Variants in NPAS3 observed in about 807,000 individuals in gnomAD.
The protein encoded by NPAS3 is neuronal PAS domain-containing protein 3.
Under a neutral mutation model 73.1 loss-of-function variants are expected in NPAS3, and 14 were observed. The ratio of observed to expected loss-of-function variants is 0.19; its 90% CI spans 0.13 to 0.30. The LOEUF (loss-of-function observed/expected upper bound fraction) is 0.30, where lower values mean the gene tolerates loss of function less well. Ranked by LOEUF, NPAS3 falls within the 10% of genes least tolerant of loss-of-function variation. NPAS3 has a pLI of 1.00. For missense variants in NPAS3, 1,096 were observed against 1,250.0 expected, an observed-to-expected ratio of 0.88 and a Z score of 1.86; for synonymous variants, 620 against 541.5, an observed-to-expected ratio of 1.14 and a Z score of -2.01.
chr14:33,530,036 A>G (rs911058920), intron 4 of NPAS3, among the ~76,000 whole-genome samples: 17 of 152,158 alleles, frequency 1.1e-4, no homozygotes. Flanking sequence ...AAATCCAGAC[A>G]TGCTGTCCAA....
intron 3 of NPAS3, among the ~76,000 whole-genome samples, chr14:33,339,566 T>A (rs1446662469): frequency 6.6e-6 from 1 of 152,186 alleles, no homozygotes; most frequent in Non-Finnish European, 1.5e-5. Context: ...GTCTGACTAG[T>A]TTATAGTGGT....
intron 6 of NPAS3, among the ~76,000 whole-genome samples, chr14:33,715,833 G>A (rs764126950): frequency 7.2e-5 from 11 of 152,100 alleles, no homozygotes; most frequent in Non-Finnish European, 1.2e-4. Flanking sequence ...TTTTTCCTGC[G>A]CTGTTTTCTC....
At chr14:33,188,564 C>T (rs2046061732) in intron 2 of NPAS3, among the ~76,000 whole-genome samples, 1 of 152,164 alleles carries the variant, frequency 6.6e-6, no homozygotes, top group South Asian at 2.1e-4. Flanking sequence ...ACTTCCTACA[C>T]ATGTGGCATT....
intron 7 of NPAS3, among the ~76,000 whole-genome samples, chr14:33,741,496 T>A (rs1014500065): frequency 6.6e-6 from 1 of 152,182 alleles, no homozygotes; most frequent in Admixed American, 6.5e-5. Flanking sequence ...TAAAATCAAA[T>A]TTTTTAAATC....
chr14:33,169,991 G>T (rs961756631), intron 2 of NPAS3, among the ~76,000 whole-genome samples: 1 of 152,146 alleles, frequency 6.6e-6, no homozygotes, highest in South Asian at 2.1e-4. Flanking sequence ...GTGGTTTGGG[G>T]ATTTTGACAT....
At chr14:33,493,041 G>A (rs776946601) in intron 4 of NPAS3, among the ~76,000 whole-genome samples, 1 of 152,086 alleles carries the variant, frequency 6.6e-6, no homozygotes, top group Non-Finnish European at 1.5e-5. Context: ...ACCTGATGAG[G>A]GGAGTTTTAC....
chr14:33,388,036 T>G (rs998111621), intron 4 of NPAS3, among the ~76,000 whole-genome samples: 1 of 152,000 alleles, frequency 6.6e-6, no homozygotes, highest in Non-Finnish European at 1.5e-5. Flanking sequence ...GCCATAGGGG[T>G]GTGACCTTGA....
intron 1 of NPAS3, among the ~76,000 whole-genome samples, chr14:32,999,682 T>G (rs1595189673): frequency 6.6e-6 from 1 of 152,214 alleles, no homozygotes; most frequent in Admixed American, 6.5e-5. Context: ...ATAAGCTTCT[T>G]ACCTTTAGTA....
intron 2 of NPAS3, among the ~76,000 whole-genome samples, chr14:33,188,689 A>G (rs1343986132): frequency 6.6e-6 from 1 of 152,210 alleles, no homozygotes; most frequent in African/African-American, 2.4e-5. Flanking sequence ...TAGTATTGTT[A>G]CAGGAGAAGA....
intron 1 of NPAS3, among the ~76,000 whole-genome samples, chr14:33,006,742 T>G (rs185983784): frequency 2.3e-4 from 35 of 152,332 alleles, no homozygotes; most frequent in Non-Finnish European, 1.5e-5. Flanking sequence ...GGGACCCTCT[T>G]TATACCTTCC....
chr14:33,706,168 A>G (rs2060650994), intron 6 of NPAS3, among the ~76,000 whole-genome samples: 1 of 152,168 alleles, frequency 6.6e-6, no homozygotes. Flanking sequence ...AGCCTCCTAC[A>G]TTTCTTTATC....
intron 4 of NPAS3, among the ~76,000 whole-genome samples, chr14:33,428,415 A>G (rs894140475): frequency 1.3e-5 from 2 of 152,162 alleles, no homozygotes; most frequent in Admixed American, 6.5e-5. Flanking sequence ...ATTAGTTCTT[A>G]AAGTCTGCCT....
At chr14:33,522,176 G>A (rs2053586316) in intron 4 of NPAS3, among the ~76,000 whole-genome samples, 1 of 152,146 alleles carries the variant, frequency 6.6e-6, no homozygotes, top group Admixed American at 6.6e-5. Context: ...AAACGTATAG[G>A]CAGACAAAAT....
At chr14:33,398,740 G>T (rs2047327578) in intron 4 of NPAS3, among the ~76,000 whole-genome samples, 1 of 152,086 alleles carries the variant, frequency 6.6e-6, no homozygotes, top group South Asian at 2.1e-4. Context: ...CTTTGGAAAT[G>T]AAATTTTACT....
chr14:33,494,867 A>G (rs1181892155), intron 4 of NPAS3, among the ~76,000 whole-genome samples: 1 of 152,088 alleles, frequency 6.6e-6, no homozygotes, highest in Non-Finnish European at 1.5e-5. Context: ...CAAAAACAGA[A>G]GGGAGTTTAA....
chr14:33,595,828 G>C (rs866858450), intron 5 of NPAS3, among the ~76,000 whole-genome samples: 43 of 152,184 alleles, frequency 2.8e-4, no homozygotes, highest in Admixed American at 1.2e-3. Context: ...CCGCCACCAC[G>C]CCTGGCTGAT....
intron 6 of NPAS3, among the ~76,000 whole-genome samples, chr14:33,724,479 C>A (rs1023792717): frequency 2.0e-5 from 3 of 151,948 alleles, no homozygotes; most frequent in Non-Finnish European, 4.4e-5. Flanking sequence ...TCAAAAAACA[C>A]AAAAAGTAGC....
At chr14:33,683,408 G>A in intron 6 of NPAS3, among the ~76,000 whole-genome samples, 1 of 97,324 alleles carries the variant, frequency 1.0e-5, no homozygotes, top group Non-Finnish European at 1.8e-5. Context: ...TGTTAATTAT[G>A]ACCTGTTTTT....
intron 2 of NPAS3, among the ~76,000 whole-genome samples, chr14:33,212,713 A>G (rs7155975): frequency 0.096 from 14,602 of 152,234 alleles, 840 homozygotes; most frequent in Non-Finnish European, 0.13. Context: ...CCTATACATT[A>G]ATATCAATTT....
Sources: allele counts gnomAD v4.1 joint callset (sites outside exome capture counted in the v4.1 genomes callset), GRCh38; gene constraint gnomAD v4.1.1; transcripts MANE v1.5; gene names NCBI Gene and HGNC (gene_info 2026-07-23, HGNC 2026-07-21).